OLFM3: variants seen among roughly 807,000 people sequenced by gnomAD.
OLFM3 encodes the protein noelin-3.
In OLFM3, 20 loss-of-function variants were observed where a neutral mutation model predicts 48.6. The ratio of observed to expected loss-of-function variants is 0.41; its 90% CI spans 0.29 to 0.60. The LOEUF is 0.60. OLFM3 is among the 20% of genes least tolerant of loss of function. OLFM3 has a pLI of 0.28. For synonymous variants in OLFM3, 222 were observed against 198.1 expected, an observed-to-expected ratio of 1.12 and a Z score of -1.01; for missense variants, 437 against 544.3, an observed-to-expected ratio of 0.80 and a Z score of 1.96.
chr1:101,879,889 G>T (rs1000832901), intron 1 of OLFM3, among the ~76,000 whole-genome samples: 102 of 151,814 alleles, frequency 6.7e-4, no homozygotes, highest in African/African-American at 2.2e-3. Context: ...CATTCTTATT[G>T]TAAAGAAAAA....
rs142799874 is a variant in OLFM3 at position 101,936,826 on chromosome 1, T to G, written c.69+59922A>C. ...CTGCGCACCTACAACCATCTGATCT[T>G]TGACAAAGTCGACAAAAGCAAGCAA... On this transcript the variant is annotated intron_variant, in intron 1 of 5. Coordinates refer to ENST00000370103, the MANE Select transcript of OLFM3 (RefSeq NM_058170.4). Among the ~76,000 whole-genome samples the G allele has an allele frequency of 2.2e-3, 331 of 152,256 alleles. 1 individual carries two copies. Among genetic ancestry groups the G allele is most frequent in the African/African-American group, 7.4e-3 (307 of 41,536 alleles).
At chr1:101,938,784 TC>T (rs1211203308) in intron 1 of OLFM3, among the ~76,000 whole-genome samples, 1 of 152,030 alleles carries the variant, frequency 6.6e-6, no homozygotes, top group African/African-American at 2.4e-5. Context: ...TTGTAACAAG[TC>T]CCCCCGAGGC....
intron 1 of OLFM3, among the ~76,000 whole-genome samples, chr1:101,915,498 A>T (rs1243008299): frequency 2.0e-5 from 3 of 152,106 alleles, no homozygotes; most frequent in Non-Finnish European, 4.4e-5. Context: ...TAATAGCTAG[A>T]TTCTCTGCTC....
At chr1:101,856,994 G>T (rs1447504341) in intron 1 of OLFM3, among the ~76,000 whole-genome samples, 1 of 151,938 alleles carries the variant, frequency 6.6e-6, no homozygotes, top group African/African-American at 2.4e-5. Context: ...TATAAATTCA[G>T]ATCTAAATTT....
intron 1 of OLFM3, among the ~76,000 whole-genome samples, chr1:101,913,133 T>G (rs1284933368): frequency 1.3e-5 from 2 of 152,176 alleles, no homozygotes; most frequent in Non-Finnish European, 2.9e-5. Context: ...GCTTTCTAAG[T>G]TTAGTTAGGA....
chr1:101,970,878 C>T (rs567253946), intron 1 of OLFM3, among the ~76,000 whole-genome samples: 1 of 152,288 alleles, frequency 6.6e-6, no homozygotes, highest in African/African-American at 2.4e-5. Flanking sequence ...ATAGCGCGTA[C>T]ATAATAGATT....
intron 1 of OLFM3, among the ~76,000 whole-genome samples, chr1:101,913,355 A>G (rs1658819717): frequency 6.6e-6 from 1 of 152,204 alleles, no homozygotes. Flanking sequence ...CAAGAGGCTA[A>G]GAATGTTATA....
chr1:101,876,454 C>T (rs1238420862), intron 1 of OLFM3, among the ~76,000 whole-genome samples: 2 of 151,990 alleles, frequency 1.3e-5, no homozygotes, highest in South Asian at 2.1e-4. Flanking sequence ...TGTTACTAAG[C>T]ATTTCTATAT....
At chr1:101,921,139 A>G (rs1277763319) in intron 1 of OLFM3, among the ~76,000 whole-genome samples, 1 of 151,816 alleles carries the variant, frequency 6.6e-6, no homozygotes, top group African/African-American at 2.4e-5. Context: ...ATGTCTGGTA[A>G]TCTCTTAATT....
chr1:101,930,818 C>T (rs573997681), intron 1 of OLFM3, among the ~76,000 whole-genome samples: 18 of 152,172 alleles, frequency 1.2e-4, no homozygotes, highest in Non-Finnish European at 2.2e-4. Flanking sequence ...TGGACAGTTA[C>T]TAAGTGGCTG....
intron 1 of OLFM3, among the ~76,000 whole-genome samples, chr1:101,866,776 G>A (rs1269500900): frequency 2.6e-5 from 4 of 151,996 alleles, no homozygotes; most frequent in Non-Finnish European, 2.9e-5. Context: ...AATATTTGCA[G>A]GTTTTTAAAA....
chr1:101,935,036 G>A (rs1391065550), intron 1 of OLFM3, among the ~76,000 whole-genome samples: 3 of 151,640 alleles, frequency 2.0e-5, no homozygotes, highest in Non-Finnish European at 4.4e-5. Context: ...TCAAATTAAC[G>A]ACCTAACATC....
At chr1:101,857,893 A>G (rs1357282179) in intron 1 of OLFM3, among the ~76,000 whole-genome samples, 1 of 152,016 alleles carries the variant, frequency 6.6e-6, no homozygotes, top group Non-Finnish European at 1.5e-5. Flanking sequence ...TTTGCACTTC[A>G]TATTTGGAAC....
intron 1 of OLFM3, among the ~76,000 whole-genome samples, chr1:101,950,443 C>CTT (rs71088115): frequency 0.018 from 2,552 of 144,666 alleles, 27 homozygotes; most frequent in African/African-American, 0.023. Flanking sequence ...TGCTTTCTTT[C>CTT]TTTTTTTTTT....
At chr1:101,866,168 G>A (rs1047164408) in intron 1 of OLFM3, among the ~76,000 whole-genome samples, 1 of 152,060 alleles carries the variant, frequency 6.6e-6, no homozygotes, top group African/African-American at 2.4e-5. Flanking sequence ...TGTATTTAAG[G>A]AAACACTATG....
intron 1 of OLFM3, among the ~76,000 whole-genome samples, chr1:101,933,489 A>G (rs540233980): frequency 1.4e-4 from 21 of 152,246 alleles, no homozygotes; most frequent in African/African-American, 4.8e-4. Context: ...TCAATGATTC[A>G]TTGGCATCCC....
chr1:101,846,148 C>T (rs938846244), intron 1 of OLFM3, among the ~76,000 whole-genome samples: 1 of 152,054 alleles, frequency 6.6e-6, no homozygotes, highest in African/African-American at 2.4e-5. Context: ...TCAGGAAATA[C>T]TTTGTTAGAA....
At chr1:101,826,655 A>G in intron 3 of OLFM3, among the ~76,000 whole-genome samples, 1 of 152,208 alleles carries the variant, frequency 6.6e-6, no homozygotes, top group East Asian at 1.9e-4. Context: ...GTGGGAGGCT[A>G]AGGAGAGACT....
chr1:101,910,160 C>A (rs1658700097), intron 1 of OLFM3: 2 of 984,654 alleles, frequency 2.0e-6, no homozygotes, highest in Non-Finnish European at 2.4e-6. Flanking sequence ...TATCGAGTAT[C>A]TATCATGTTA....
Sources: gnomAD v4.1 joint callset for allele counts (sites outside exome capture counted in the v4.1 genomes callset) on GRCh38, gnomAD v4.1.1 for gene constraint, MANE v1.5 for transcripts, NCBI Gene and HGNC (gene_info 2026-07-23, HGNC 2026-07-21) for gene names.